The following GRIK4 variants were observed in gnomAD, a reference collection of about 807,000 sequenced individuals.
The protein encoded by GRIK4 is glutamate receptor ionotropic, kainate 4.
Under a neutral mutation model 104.9 loss-of-function variants are expected in GRIK4, and 40 were observed. The observed-to-expected ratio is 0.38, with a 90% CI of 0.30 to 0.50. The LOEUF (loss-of-function observed/expected upper bound fraction) is 0.50, where lower values mean the gene tolerates loss of function less well. GRIK4 is among the 20% of genes least tolerant of loss of function. GRIK4 has a pLI of 0.93. For missense variants in GRIK4, 1,047 were observed against 1,308.1 expected (o/e 0.80, Z 3.08); for synonymous variants, 485 against 524.9 (o/e 0.92, Z 1.04).
chr11:120,781,095 A>C (rs866884971), intron 3 of GRIK4, among the ~76,000 whole-genome samples: 1 of 150,052 alleles, frequency 6.7e-6, no homozygotes, highest in Non-Finnish European at 1.5e-5. Context: ...CCAGCAAAGC[A>C]CAAGGGTTCC....
intron 14 of GRIK4, among the ~76,000 whole-genome samples, chr11:120,951,751 C>A (rs1196542594): frequency 6.6e-6 from 1 of 152,226 alleles, no homozygotes. Context: ...CTCCAGTGGG[C>A]AGCCCACACT....
At chr11:120,684,587 C>A (rs1288592302) in intron 3 of GRIK4, among the ~76,000 whole-genome samples, 3 of 152,214 alleles carry the variant, frequency 2.0e-5, no homozygotes, top group Admixed American at 6.5e-5. Context: ...ATGAATGATG[C>A]AGACTCTAAA....
intron 1 of GRIK4, among the ~76,000 whole-genome samples, chr11:120,544,156 GTT>G (rs1257931544): frequency 3.9e-5 from 6 of 152,200 alleles, no homozygotes; most frequent in Non-Finnish European, 8.8e-5. Context: ...TATGAAAATA[GTT>G]ATAAAGAGGG....
intron 3 of GRIK4, among the ~76,000 whole-genome samples, chr11:120,688,910 A>G (rs1403127291): frequency 6.6e-6 from 1 of 152,178 alleles, no homozygotes; most frequent in African/African-American, 2.4e-5. Flanking sequence ...TTGTATGGAT[A>G]TTCCCTTCCA....
intron 3 of GRIK4, among the ~76,000 whole-genome samples, chr11:120,721,925 C>T (rs940617406): frequency 2.6e-5 from 4 of 152,186 alleles, no homozygotes; most frequent in Admixed American, 2.0e-4. Context: ...TTATTGGACA[C>T]TATATGTGAG....
intron 4 of GRIK4, among the ~76,000 whole-genome samples, chr11:120,805,283 C>T (rs1007170455): frequency 1.4e-4 from 21 of 152,288 alleles, no homozygotes; most frequent in African/African-American, 4.8e-4. Flanking sequence ...GTAGTCCATA[C>T]TTTGAAAAGC....
intron 3 of GRIK4, among the ~76,000 whole-genome samples, chr11:120,772,252 G>A (rs1324276665): frequency 3.9e-5 from 6 of 152,070 alleles, no homozygotes; most frequent in Non-Finnish European, 8.8e-5. Flanking sequence ...AAAAACCTTA[G>A]AATGAGTAAT....
At chr11:120,668,073 AC>A (rs1274475461) in intron 3 of GRIK4, among the ~76,000 whole-genome samples, 1 of 151,810 alleles carries the variant, frequency 6.6e-6, no homozygotes, top group Non-Finnish European at 1.5e-5. Flanking sequence ...ACAGAGTGAG[AC>A]CCTGTCTCAT....
At chr11:120,608,297 GA>G (rs143869344) in intron 1 of GRIK4, among the ~76,000 whole-genome samples, 12 of 152,320 alleles carry the variant, frequency 7.9e-5, no homozygotes, top group African/African-American at 2.9e-4. Flanking sequence ...GACCAGCCTG[GA>G]CAATGCAGTG....
intron 3 of GRIK4, among the ~76,000 whole-genome samples, chr11:120,715,450 C>G (rs183359083): frequency 1.3e-5 from 2 of 152,240 alleles, no homozygotes; most frequent in East Asian, 1.9e-4. Context: ...CATGAACCCC[C>G]CTAGAGGTTG....
intron 3 of GRIK4, among the ~76,000 whole-genome samples, chr11:120,697,421 G>C (rs1950469420): frequency 6.6e-6 from 1 of 152,272 alleles, no homozygotes; most frequent in South Asian, 2.1e-4. Flanking sequence ...TTCAAGACCA[G>C]CCTGGTCAAC....
At chr11:120,668,033 T>C (rs770923300) in intron 3 of GRIK4, among the ~76,000 whole-genome samples, 1 of 151,966 alleles carries the variant, frequency 6.6e-6, no homozygotes, top group Non-Finnish European at 1.5e-5. Context: ...CAGTGAGCTA[T>C]GGTAGCACCA....
At chr11:120,547,904 A>G (rs2252244) in intron 1 of GRIK4, among the ~76,000 whole-genome samples, 68,410 of 152,054 alleles carry the variant, frequency 0.45, 16,770 homozygotes, top group East Asian at 0.63. Flanking sequence ...TATGCCGGGT[A>G]TGAGGGGAGT....
intron 11 of GRIK4, among the ~76,000 whole-genome samples, chr11:120,881,054 C>T (rs1324889453): frequency 6.6e-6 from 1 of 152,136 alleles, no homozygotes. Context: ...CCCAACATGA[C>T]GTGGCTGCCA....
At position 120,987,376 on chromosome 11, in the gene GRIK4, G is replaced by C. The variant is rs1944773620; in HGVS notation, c.*1116G>C. On this transcript the variant is annotated 3_prime_UTR_variant, in exon 21 of 21. Transcript: ENST00000527524. ...ACTCAAATGAGTGGCTGCCTATGAAGCCAGACCCCCAAGACTATCATGGAT... is the reference window on the plus strand; with the variant it reads ...ACTCAAATGAGTGGCTGCCTATGAACCCAGACCCCCAAGACTATCATGGAT... 6.6e-6 allele frequency: 1 copy of C among 152,266 alleles called. No individual in the cohort carries two copies. The highest frequency in any genetic ancestry group is 6.5e-5 in the Admixed American group (1 of 15,290). 9.4% of individuals were successfully genotyped at this position (152,266 alleles called of 1,614,324 possible). A position where few individuals can be genotyped will look rare whatever the true frequency, so the allele number is the denominator to read the frequency against.
intron 8 of GRIK4, among the ~76,000 whole-genome samples, chr11:120,843,526 GT>G (rs1231371761): frequency 6.6e-6 from 1 of 152,246 alleles, no homozygotes; most frequent in Non-Finnish European, 1.5e-5. Flanking sequence ...AATATCAATA[GT>G]TGATATTTAC....
rs1954751864 is a variant in GRIK4, at chr11:120,875,259, C to A, written c.1164+16C>A. ...TTTTCGGCAGGTAAGCCTAGCTGCACCGTGGTGATGGCAGGTCCTCCTCTC... is the reference window on the plus strand; with the variant it reads ...TTTTCGGCAGGTAAGCCTAGCTGCAACGTGGTGATGGCAGGTCCTCCTCTC... On this transcript the variant is annotated intron_variant, in intron 11 of 20. Coordinates refer to ENST00000527524, the MANE Select transcript of GRIK4 (RefSeq NM_014619.5). 8.9e-6 allele frequency: 13 copies of A among 1,464,816 alleles called. No homozygotes were observed. In the East Asian group the frequency reaches 2.7e-4, roughly 31 times the overall value. 90.7% of individuals were successfully genotyped at this position (1,464,816 alleles called of 1,614,324 possible).
chr11:120,553,763 G>A (rs1308898626), intron 1 of GRIK4, among the ~76,000 whole-genome samples: 1 of 152,174 alleles, frequency 6.6e-6, no homozygotes, highest in Non-Finnish European at 1.5e-5. Flanking sequence ...CAGCACTGCT[G>A]GATGCAGAGC....
rs1253799336 is a variant in GRIK4 at position 120,549,210 on chromosome 11, T to G, written c.-159+37323T>G. 6.6e-6 allele frequency among the ~76,000 whole-genome samples: 1 copy of G among 152,102 alleles called. No individual in the cohort carries two copies. Among genetic ancestry groups the G allele is most frequent in the Non-Finnish European group, 1.5e-5 (1 of 68,008 alleles). On this transcript the variant is annotated intron_variant, in intron 1 of 20. Coordinates refer to ENST00000527524, the MANE Select transcript of GRIK4 (RefSeq NM_014619.5). This position sits in a 1 kb window ranked among gnomAD's most constrained non-coding sequence, Gnocchi z 4.7. Reference sequence around the variant, plus strand: ...GCTTCCTGGGTTCAAGCAATTCTACTGCCTCAGCCTCCCAAGTAGCTGGGA... The same window carrying G: ...GCTTCCTGGGTTCAAGCAATTCTACGGCCTCAGCCTCCCAAGTAGCTGGGA...
Sources: allele counts gnomAD v4.1 joint callset (sites outside exome capture counted in the v4.1 genomes callset), GRCh38; gene constraint gnomAD v4.1.1; non-coding constraint Gnocchi (gnomAD v3.1); transcripts MANE v1.5; gene names NCBI Gene and HGNC (gene_info 2026-07-23, HGNC 2026-07-21).